CREM: variants seen among roughly 807,000 people sequenced by gnomAD.
CREM encodes the protein cAMP-responsive element modulator.
Under a neutral mutation model 37.3 loss-of-function variants are expected in CREM, and 13 were observed. The ratio of observed to expected loss-of-function variants is 0.35; its 90% CI spans 0.23 to 0.55. The LOEUF (loss-of-function observed/expected upper bound fraction) is 0.55. Ranked by LOEUF, CREM falls within the 20% of genes least tolerant of loss-of-function variation. The pLI, the probability that CREM is intolerant of heterozygous loss-of-function variation, is 0.88. For synonymous variants in CREM, 124 were observed against 120.2 expected, an observed-to-expected ratio of 1.03 and a Z score of -0.21; for missense variants, 296 against 362.3, an observed-to-expected ratio of 0.82 and a Z score of 1.49.
chr10:35,181,236 TATTAA>T (rs1317719520), intron 5 of CREM, among the ~76,000 whole-genome samples: 1 of 152,226 alleles, frequency 6.6e-6, no homozygotes, highest in Non-Finnish European at 1.5e-5. Flanking sequence ...CAAGAAGCTT[TATTAA>T]ATTCACATCT....
At chr10:35,129,080 A>G (rs890145473) in intron 1 of CREM, among the ~76,000 whole-genome samples, 1 of 152,232 alleles carries the variant, frequency 6.6e-6, no homozygotes, top group African/African-American at 2.4e-5. Flanking sequence ...GTCAGTATTC[A>G]CACAACTTTG....
chr10:35,127,655 C>T (rs1333661736), intron 1 of CREM: 1 of 152,328 alleles, frequency 6.6e-6, no homozygotes, highest in African/African-American at 2.4e-5. Flanking sequence ...CCCGTTTTCC[C>T]CCAAAACCTG....
chr10:35,206,879 T>G lies in CREM; in HGVS notation c.599-16T>G. ...GAATTCTTTATATAAGCTCAAAATATTTTGTTTTACTGCAGCTGCCACTGG... is the reference window on the plus strand; with the variant it reads ...GAATTCTTTATATAAGCTCAAAATAGTTTGTTTTACTGCAGCTGCCACTGG... On this transcript the variant is annotated splice_polypyrimidine_tract_variant and intron_variant, in intron 6 of 7. Coordinates refer to ENST00000685392, the MANE Select transcript of CREM (RefSeq NM_183011.2). 6.2e-7 allele frequency: 1 copy of G among 1,612,488 alleles called. No homozygotes were observed. Among genetic ancestry groups the G allele is most frequent in the South Asian group, 1.1e-5 (1 of 90,996 alleles).
intron 6 of CREM, among the ~76,000 whole-genome samples, chr10:35,195,383 T>A (rs1469999124): frequency 6.6e-6 from 1 of 152,162 alleles, no homozygotes; most frequent in Admixed American, 6.5e-5. Flanking sequence ...TGTTAGGGCA[T>A]CTTAGTGTGA....
chr10:35,128,358 T>C (rs546787645), intron 1 of CREM, among the ~76,000 whole-genome samples: 1 of 152,314 alleles, frequency 6.6e-6, no homozygotes, highest in East Asian at 1.9e-4. Flanking sequence ...TCCTTTCTAC[T>C]TAATTTGCCG....
At position 35,127,072 on chromosome 10, in the gene CREM, GCTGC is replaced by G. The variant is rs2087901504; in HGVS notation, c.-174_-171del. On this transcript the variant is annotated 5_prime_UTR_variant, in exon 1 of 8. Coordinates refer to ENST00000685392, the MANE Select transcript of CREM (RefSeq NM_183011.2). ...GCTGACGTGAGGACTACGTGGGGCC[GCTGC>G]CGGCTCCGGGTTGCTGGGCGGCGGC... The G allele has an allele frequency of 6.5e-6, 1 of 152,752 alleles. No homozygotes were observed. Among genetic ancestry groups the G allele is most frequent in the African/African-American group, 2.4e-5 (1 of 41,466 alleles). 9.5% of individuals were successfully genotyped at this position (152,752 alleles called of 1,614,324 possible). A position where few individuals can be genotyped will look rare whatever the true frequency, so the allele number is the denominator to read the frequency against.
intron 2 of CREM, among the ~76,000 whole-genome samples, chr10:35,143,664 C>T (rs888242825): frequency 1.3e-5 from 2 of 152,138 alleles, no homozygotes; most frequent in African/African-American, 4.8e-5. Flanking sequence ...CTTCAGTTTA[C>T]ATCCTGGAGG....
At chr10:35,196,964 G>C (rs1325392620) in intron 6 of CREM, among the ~76,000 whole-genome samples, 3 of 141,948 alleles carry the variant, frequency 2.1e-5, no homozygotes, top group Non-Finnish European at 4.5e-5. Context: ...CCGCCTCCCA[G>C]GTTCACGCCA....
intron 3 of CREM, among the ~76,000 whole-genome samples, chr10:35,163,725 GCGGGAGATTCGCTTGAACC>G (rs1252676029): frequency 6.6e-6 from 1 of 152,100 alleles, no homozygotes; most frequent in Non-Finnish European, 1.5e-5. Context: ...GGAGGCTGAG[GCGGGAGATTCGCTTGAACC>G]CGGGAGGCGG....
intron 1 of CREM, among the ~76,000 whole-genome samples, chr10:35,136,790 GTTTTT>G (rs56403246): frequency 2.5e-5 from 3 of 120,856 alleles, no homozygotes; most frequent in Non-Finnish European, 3.5e-5. Flanking sequence ...AGGACTCTCA[GTTTTT>G]TTTTTTTTTT....
chr10:35,209,130 G>A (rs1212590128), intron 7 of CREM, among the ~76,000 whole-genome samples: 1 of 152,152 alleles, frequency 6.6e-6, no homozygotes, highest in African/African-American at 2.4e-5. Flanking sequence ...ACCAGCATCA[G>A]GCATCTCAAA....
intron 3 of CREM, among the ~76,000 whole-genome samples, chr10:35,158,011 G>C (rs1357516016): frequency 6.6e-6 from 1 of 151,926 alleles, no homozygotes; most frequent in African/African-American, 2.4e-5. Flanking sequence ...AAAATACTTA[G>C]AAATAAATTT....
chr10:35,165,005 C>A (rs538897092), intron 3 of CREM, among the ~76,000 whole-genome samples: 1 of 140,160 alleles, frequency 7.1e-6, no homozygotes, highest in East Asian at 2.1e-4. Context: ...TTGCAGTAAG[C>A]CAGATTGCAC....
At chr10:35,147,039 GGGTTTTTTTTT>G (rs2092190650) in intron 2 of CREM, among the ~76,000 whole-genome samples, 1 of 137,906 alleles carries the variant, frequency 7.3e-6, no homozygotes, top group South Asian at 2.4e-4. Context: ...TAAGTTTTTT[GGGTTTTTTTTT>G]TTTTTTTTTT....
chr10:35,159,980 A>G (rs891185605), intron 3 of CREM, among the ~76,000 whole-genome samples: 1 of 152,218 alleles, frequency 6.6e-6, no homozygotes, highest in African/African-American at 2.4e-5. Context: ...CAACAGGTCT[A>G]CATTTTGAGA....
Position 35,206,905 on chromosome 10 carries a change from T to TGAC in CREM, c.610_612dup (p.Asp204dup). 6.2e-7 allele frequency: 1 copy of TGAC among 1,613,672 alleles called. No homozygotes were observed. Among genetic ancestry groups the TGAC allele is most frequent in the Non-Finnish European group, 8.5e-7 (1 of 1,179,942 alleles). The stretch of plus-strand genomic sequence containing the variant: ...TTTGTTTTACTGCAGCTGCCACTGG[T>TGAC]GACATGCCAACTTACCAGATCCGAG... On this transcript the variant is annotated inframe_insertion, in exon 7 of 8. Coordinates refer to ENST00000685392, the MANE Select transcript of CREM (RefSeq NM_183011.2).
At chr10:35,192,080 G>A (rs956615303) in intron 6 of CREM, among the ~76,000 whole-genome samples, 2 of 152,148 alleles carry the variant, frequency 1.3e-5, no homozygotes, top group Non-Finnish European at 2.9e-5. Flanking sequence ...CCTGGCCTGG[G>A]TGCTATCCCT....
rs184946097 is a variant in CREM at position 35,170,652 on chromosome 10, T to C, written c.169-8237T>C. Among the ~76,000 whole-genome samples, 16 of 152,336 alleles carry C rather than the reference T, an allele frequency of 1.1e-4. No individual in the cohort carries two copies. The East Asian group carries it at 2.9e-3, about 28-fold the overall frequency. ...GGGAGGGTGTATGTGTCCAGGAATT[T>C]ATCCATTTCTTCTAGATTTTCTAGT... On this transcript the variant is annotated intron_variant, in intron 3 of 7. Transcript: ENST00000685392.
chr10:35,166,050 A>G (rs1018984789), intron 3 of CREM, among the ~76,000 whole-genome samples: 10 of 152,272 alleles, frequency 6.6e-5, no homozygotes, highest in East Asian at 5.8e-4. Context: ...CCCCTTTTCA[A>G]TTCAGATTAT....
Sources: allele counts gnomAD v4.1 joint callset (sites outside exome capture counted in the v4.1 genomes callset), GRCh38; gene constraint gnomAD v4.1.1; transcripts MANE v1.5; gene names NCBI Gene and HGNC (gene_info 2026-07-23, HGNC 2026-07-21).